Variants in METTL15 observed in about 807,000 individuals in gnomAD.
METTL15 encodes methyltransferase 15, mitochondrial 12S rRNA N4-cytidine.
METTL15 carries 34 observed loss-of-function variants against 38.3 expected under a neutral mutation model. The observed-to-expected ratio is 0.89, with a 90% confidence interval of 0.68 to 1.18. The LOEUF is 1.18. METTL15 is among the 50% of genes most tolerant of loss of function. The probability of loss-of-function intolerance (pLI) is 0.00; values close to 1 mark genes in which losing one functional copy is unlikely to be tolerated. For synonymous variants in METTL15, 162 were observed against 170.9 expected (o/e 0.95, Z 0.41); for missense variants, 438 against 498.4 (o/e 0.88, Z 1.15).
chr11:28,370,554 TC>T (rs1850232853), intron 5 of METTL15, among the ~76,000 whole-genome samples: 1 of 152,022 alleles, frequency 6.6e-6, no homozygotes, highest in Non-Finnish European at 1.5e-5. Flanking sequence ...TGATTTCTTT[TC>T]TTTGAGATAT....
At chr11:28,193,562 C>A (rs905365151) in intron 3 of METTL15, among the ~76,000 whole-genome samples, 9 of 152,056 alleles carry the variant, frequency 5.9e-5, no homozygotes, top group African/African-American at 2.2e-4. Context: ...GATTACAATT[C>A]AACATGAGAT....
At chr11:28,246,622 A>G (rs1212531784) in intron 4 of METTL15, among the ~76,000 whole-genome samples, 1 of 152,202 alleles carries the variant, frequency 6.6e-6, no homozygotes, top group Non-Finnish European at 1.5e-5. Context: ...AATGATCAAT[A>G]GAATTGCAGT....
intron 3 of METTL15, among the ~76,000 whole-genome samples, chr11:28,171,348 G>C (rs1055372582): frequency 1.3e-5 from 2 of 152,046 alleles, no homozygotes; most frequent in East Asian, 1.9e-4. Context: ...GCTTTTTAAA[G>C]CCTTTGTTTC....
At chr11:28,253,991 T>C (rs1200694321) in intron 4 of METTL15, among the ~76,000 whole-genome samples, 1 of 152,180 alleles carries the variant, frequency 6.6e-6, no homozygotes, top group East Asian at 1.9e-4. Context: ...CTTTTGGGTA[T>C]ATACCCAGCA....
chr11:28,520,077 C>T (rs975885006), intron 6 of METTL15, among the ~76,000 whole-genome samples: 4 of 152,282 alleles, frequency 2.6e-5, no homozygotes, highest in South Asian at 4.1e-4. Flanking sequence ...TGTTAGGTCA[C>T]GCCTGTAATC....
intron 4 of METTL15, among the ~76,000 whole-genome samples, chr11:28,262,214 A>G (rs1277390062): frequency 6.6e-6 from 1 of 152,032 alleles, no homozygotes; most frequent in African/African-American, 2.4e-5. Context: ...CTGATTTTGA[A>G]TGGCTCACAG....
At chr11:28,267,364 C>T (rs574596027) in intron 4 of METTL15, among the ~76,000 whole-genome samples, 2 of 152,204 alleles carry the variant, frequency 1.3e-5, no homozygotes, top group African/African-American at 4.8e-5. Context: ...GTTCTTCTCT[C>T]ACTTTTTCTC....
chr11:28,396,537 C>T (rs1028957679), intron 5 of METTL15, among the ~76,000 whole-genome samples: 13 of 151,926 alleles, frequency 8.6e-5, no homozygotes, highest in African/African-American at 2.2e-4. Flanking sequence ...TGACAAGGGA[C>T]GTGAAGGACC....
intron 5 of METTL15, among the ~76,000 whole-genome samples, chr11:28,389,819 A>G (rs1291609633): frequency 6.6e-6 from 1 of 151,650 alleles, no homozygotes; most frequent in Non-Finnish European, 1.5e-5. Context: ...TGTCTTCCAC[A>G]ATGGTTGAAC....
chr11:28,527,807 A>G (rs1405561465), downstream of METTL15, among the ~76,000 whole-genome samples: 1 of 152,244 alleles, frequency 6.6e-6, no homozygotes, highest in Non-Finnish European at 1.5e-5. Context: ...CATTTTTCTT[A>G]CTAACATTAC....
At chr11:28,275,504 A>G (rs1454965068) in intron 4 of METTL15, among the ~76,000 whole-genome samples, 1 of 152,006 alleles carries the variant, frequency 6.6e-6, no homozygotes, top group Non-Finnish European at 1.5e-5. Context: ...ATATGGATTC[A>G]TAGCTGAATT....
intron 4 of METTL15, among the ~76,000 whole-genome samples, chr11:28,221,091 C>T (rs1017321117): frequency 2.0e-5 from 3 of 152,066 alleles, no homozygotes; most frequent in South Asian, 2.1e-4. Flanking sequence ...GTGTTTCCTG[C>T]ATTTGAATGT....
At chr11:28,140,172 G>A (rs1435230615) in intron 3 of METTL15, among the ~76,000 whole-genome samples, 4 of 152,196 alleles carry the variant, frequency 2.6e-5, no homozygotes, top group Non-Finnish European at 5.9e-5. Flanking sequence ...AGAACAGATG[G>A]AAATCGCATT....
chr11:28,117,012 T>C (rs868142687), intron 3 of METTL15, among the ~76,000 whole-genome samples: 24 of 152,118 alleles, frequency 1.6e-4, no homozygotes, highest in South Asian at 2.1e-4. Flanking sequence ...ACTCCAAATA[T>C]ACATGAAAAT....
chr11:28,278,021 G>C (rs997008189), intron 4 of METTL15, among the ~76,000 whole-genome samples: 5 of 152,106 alleles, frequency 3.3e-5, no homozygotes, highest in Non-Finnish European at 4.4e-5. Flanking sequence ...ATGTACTCTG[G>C]TGCTGGACAC....
At chr11:28,254,360 C>T (rs143022959) in intron 4 of METTL15, among the ~76,000 whole-genome samples, 1 of 152,190 alleles carries the variant, frequency 6.6e-6, no homozygotes, top group East Asian at 1.9e-4. Context: ...GTTATTTGAG[C>T]TCCTTATATA....
chr11:28,188,096 G>C (rs1851567431), intron 3 of METTL15, among the ~76,000 whole-genome samples: 1 of 151,116 alleles, frequency 6.6e-6, no homozygotes, highest in Non-Finnish European at 1.5e-5. Context: ...CTTTCCACTA[G>C]TTTTTGTGGC....
At chr11:28,466,106 G>T (rs1276977367) in intron 6 of METTL15, among the ~76,000 whole-genome samples, 1 of 152,060 alleles carries the variant, frequency 6.6e-6, no homozygotes, top group African/African-American at 2.4e-5. Flanking sequence ...TATGAATTTG[G>T]CTGGGTCTCA....
At chr11:28,131,197 T>C (rs1271817256) in intron 3 of METTL15, among the ~76,000 whole-genome samples, 1 of 152,210 alleles carries the variant, frequency 6.6e-6, no homozygotes, top group Non-Finnish European at 1.5e-5. Context: ...GCTTCTATTT[T>C]GCACAGTGAC....
Sources: allele counts gnomAD v4.1 joint callset (sites outside exome capture counted in the v4.1 genomes callset), GRCh38; gene constraint gnomAD v4.1.1; transcripts MANE v1.5; gene names NCBI Gene and HGNC (gene_info 2026-07-23, HGNC 2026-07-21).